The following STK36 variants were observed in gnomAD, a reference collection of about 807,000 sequenced individuals.
The protein encoded by STK36 is serine/threonine kinase 36.
A neutral mutation model predicts 142.2 loss-of-function variants in STK36; 116 were observed. That is an observed-to-expected ratio of 0.82 (90% confidence interval 0.70 to 0.95). STK36 has a LOEUF of 0.95. Ranked by LOEUF, STK36 falls within the 40% of genes least tolerant of loss-of-function variation. The pLI is 0.00. For synonymous variants in STK36, 619 were observed against 641.7 expected (o/e 0.96, Z 0.53); for missense variants, 1,422 against 1,617.2 (o/e 0.88, Z 2.07).
At chr2:218,673,167 G>A in intron 2 of STK36, 1 of 455,196 alleles carries the variant, frequency 2.2e-6, no homozygotes, top group South Asian at 2.9e-5. Context: ...CTAGAATGGG[G>A]ATAAGAACAG....
chr2:218,688,640 C>G, intron 11 of STK36, 57 bp from the exon 12 acceptor site: 1 of 1,568,462 alleles, frequency 6.4e-7, no homozygotes, highest in Admixed American at 1.8e-5. Context: ...ATGTGTAGTT[C>G]TCCTTCTTTT....
rs532778500 is a variant in STK36, at chr2:218,680,201, G to A, written c.1136+121G>A. ...ACTGCCTAAACATGGATAGAGCCTC[G>A]AGAGTCTGAGTCCTGGATTCTTGGA... On this transcript the variant is annotated intron_variant, in intron 9 of 26. Coordinates refer to ENST00000295709, the MANE Select transcript of STK36 (RefSeq NM_015690.5). 5.9e-5 allele frequency: 53 copies of A among 899,890 alleles called. No homozygotes were observed. The African/African-American group carries it at 7.9e-4, about 13-fold the overall frequency. 55.7% of individuals were successfully genotyped at this position (899,890 alleles called of 1,614,324 possible).
chr2:218,693,112 T>C (rs1445535773), intron 16 of STK36, 128 bp from the exon 17 acceptor site: 2 of 798,510 alleles, frequency 2.5e-6, no homozygotes, highest in African/African-American at 3.5e-5. Context: ...GAATGGGGTC[T>C]GAGGTTTCTG....
intron 5 of STK36, 23 bp downstream of exon 5, chr2:218,675,496 T>C: frequency 6.3e-7 from 1 of 1,588,556 alleles, no homozygotes; most frequent in Non-Finnish European, 8.6e-7. Context: ...AGCATCCATC[T>C]AAGCTTCCAG....
chr2:218,674,095 A>G, intron 4 of STK36, 139 bp downstream of exon 4: 1 of 799,402 alleles, frequency 1.3e-6, no homozygotes, highest in Non-Finnish European at 1.9e-6. Flanking sequence ...ATATAGAGGC[A>G]GTGTAGTGTG....
At chr2:218,673,210 GT>G (rs1396575269) in intron 2 of STK36, 1 of 396,400 alleles carries the variant, frequency 2.5e-6, no homozygotes, top group Admixed American at 4.1e-5. Context: ...GATTAAATAT[GT>G]TTTCACATTA....
chr2:218,675,357 T>C lies in STK36; in HGVS notation c.318T>C (p.Ala106=). ...KLPEDQVQAI[A]AQLVSALYYL... ...TTAATTTCTAGGTTCAGGCCATTGCTGCCCAGTTGGTGTCAGCCCTGTACT... is the reference window on the plus strand; with the variant it reads ...TTAATTTCTAGGTTCAGGCCATTGCCGCCCAGTTGGTGTCAGCCCTGTACT... The change falls in exon 5 of 27, where the codon GCT becomes GCC. Residue 106 remains alanine, a synonymous_variant. Coordinates refer to ENST00000295709, the MANE Select transcript of STK36 (RefSeq NM_015690.5). 3 of 1,613,410 alleles carry C rather than the reference T, an allele frequency of 1.9e-6. No individual in the cohort carries two copies. The highest frequency in any genetic ancestry group is 2.5e-6 in the Non-Finnish European group (3 of 1,179,686).
rs1040706661 is a variant in STK36 at position 218,689,874 on chromosome 2, A to G, written c.1576A>G (p.Thr526Ala). The change falls in exon 13 of 27, where the codon ACC (threonine) becomes GCC (alanine). Residue 526 changes from threonine (T) to alanine (A), a missense_variant. Physicochemically the swap from Thr to Ala is moderately conservative, Grantham distance 58. Coordinates refer to ENST00000295709, the MANE Select transcript of STK36 (RefSeq NM_015690.5). ...TCCTGGGCAGCAATCTTGGTATGGGACCTTCTTACAGGACCTGATGGCTGT... is the reference window on the plus strand; with the variant it reads ...TCCTGGGCAGCAATCTTGGTATGGGGCCTTCTTACAGGACCTGATGGCTGT... ...NSLQQQSWYG[T>A]FLQDLMAVIQ... 1 of 1,609,944 alleles carries G rather than the reference A, an allele frequency of 6.2e-7. No homozygotes were observed.
chr2:218,676,049 C>T lies in STK36; in HGVS notation c.455C>T (p.Thr152Ile). ...TGCAGATTTGCCCGGGCTATGAGCA[C>T]CAATACAATGGTGCTGACATCCATC... ...CDFGFARAMS[T>I]NTMVLTSIKG... The change falls in exon 6 of 27, where the codon ACC becomes ATC. Residue 152 changes from threonine to isoleucine, a missense_variant. Thr to Ile is a moderately conservative substitution (Grantham distance 89). Coordinates refer to ENST00000295709, the MANE Select transcript of STK36 (RefSeq NM_015690.5). 1.2e-6 allele frequency: 2 copies of T among 1,614,108 alleles called. No homozygotes were observed. The highest frequency in any genetic ancestry group is 1.7e-6 in the Non-Finnish European group (2 of 1,180,006).
At chr2:218,679,838 T>C (rs1940430398) in intron 8 of STK36, 55 bp from the exon 9 acceptor site, 1 of 1,604,652 alleles carries the variant, frequency 6.2e-7, no homozygotes, top group Non-Finnish European at 8.5e-7. Flanking sequence ...AGCATTCATA[T>C]TGTCCTATAG....
chr2:218,678,735 C>G (rs1271813590), intron 6 of STK36, among the ~76,000 whole-genome samples: 3 of 152,184 alleles, frequency 2.0e-5, no homozygotes, highest in African/African-American at 7.2e-5. Context: ...GTGTGAATTA[C>G]TTGTAACCAA....
chr2:218,690,088 G>T, intron 13 of STK36, 132 bp downstream of exon 13: 1 of 858,650 alleles, frequency 1.2e-6, no homozygotes, highest in African/African-American at 1.7e-5. Context: ...TCAGCTGAGT[G>T]GCCACTCATA....
intron 10 of STK36, among the ~76,000 whole-genome samples, chr2:218,681,472 T>A (rs59106853): frequency 0.061 from 9,284 of 152,206 alleles, 933 homozygotes; most frequent in African/African-American, 0.21. Flanking sequence ...GCCTTTTTTT[T>A]AAAATAATTT....
intron 11 of STK36, 110 bp downstream of exon 11, chr2:218,685,338 C>A: frequency 7.1e-7 from 1 of 1,414,766 alleles, no homozygotes; most frequent in Admixed American, 2.0e-5. Context: ...TCCAGTTCTT[C>A]AGTCTATCTG....
rs1941360965 is a variant in STK36, at chr2:218,699,313, C to T, written c.3769C>T (p.Leu1257Phe). The stretch of plus-strand genomic sequence containing the variant: ...TGTGAAGGAGGCTGCCCTCATTGCC[C>T]TCCGGAGCCTGCAACAGGAGCCTGG... Reference protein sequence around the residue: ...PNVKEAALIALRSLQQEPGIH... With the variant: ...PNVKEAALIAFRSLQQEPGIH... The change falls in exon 26 of 27, where the codon CTC (leucine) becomes TTC (phenylalanine). Residue 1257 changes from leucine to phenylalanine, a missense_variant. By Grantham distance (22) the Leu-to-Phe change is conservative. Transcript: ENST00000295709. 1.9e-6 allele frequency: 3 copies of T among 1,613,888 alleles called. No homozygotes were observed. Among genetic ancestry groups the T allele is most frequent in the Admixed American group, 1.7e-5 (1 of 59,998 alleles).
chr2:218,680,089 G>A lies in STK36; in HGVS notation c.1136+9G>A. 1 of 1,613,000 alleles carries A rather than the reference G, an allele frequency of 6.2e-7. No individual in the cohort carries two copies. The highest frequency in any genetic ancestry group is 8.5e-7 in the Non-Finnish European group (1 of 1,179,538). On this transcript the variant is annotated intron_variant, in intron 9 of 26. Coordinates refer to ENST00000295709, the MANE Select transcript of STK36 (RefSeq NM_015690.5). ...GTGCCCTCTGCACCTCGGTGAGAAGGGTATAGTTAGGGATTTGTAGGGTGA... is the reference window on the plus strand; with the variant it reads ...GTGCCCTCTGCACCTCGGTGAGAAGAGTATAGTTAGGGATTTGTAGGGTGA...
At chr2:218,687,938 A>G (rs1807165) in intron 11 of STK36, among the ~76,000 whole-genome samples, 6,613 of 152,284 alleles carry the variant, frequency 0.043, 173 homozygotes, top group Middle Eastern at 0.078. Context: ...TGGGAGGATC[A>G]CTTGAGGTCA....
In STK36 at chr2:218,697,574, T is replaced by A. The variant is rs148006656; in HGVS notation, c.2873T>A (p.Leu958Gln). 1 of 1,614,120 alleles carries A rather than the reference T, an allele frequency of 6.2e-7. No homozygotes were observed. Among genetic ancestry groups the A allele is most frequent in the Non-Finnish European group, 8.5e-7 (1 of 1,180,054 alleles). ...GSILMSILKH[L>Q]LCPSFLNQLR... The stretch of plus-strand genomic sequence containing the variant: ...ATCCTCATGTCCATCCTGAAGCATC[T>A]GCTTTGCCCCAGCTTCCTGAATCAA... Residue 958 changes from leucine (L) to glutamine (Q), a missense_variant, in exon 24 of 27, where the codon CTG becomes CAG. Leu to Gln is a moderately radical substitution (Grantham distance 113, BLOSUM62 -2). Around this residue, in one of 2 missense-constraint regions of STK36, gnomAD observed 962 missense variants for 1,167.5 expected, o/e 0.82. Coordinates refer to ENST00000295709, the MANE Select transcript of STK36 (RefSeq NM_015690.5).
At position 218,694,365 on chromosome 2, in the gene STK36, C is replaced by T. The variant is rs373625580; in HGVS notation, c.2400+38C>T. Reference sequence around the variant, plus strand: ...CCTTCACCCTCCTCCCCTTTTCACCCTAGCATCTACCCCTTGTGGAAGTGG... The same window carrying T: ...CCTTCACCCTCCTCCCCTTTTCACCTTAGCATCTACCCCTTGTGGAAGTGG... On this transcript the variant is annotated intron_variant, in intron 20 of 26. Coordinates refer to ENST00000295709, the MANE Select transcript of STK36 (RefSeq NM_015690.5). The surrounding 1 kb of genome is among the most constrained non-coding windows in gnomAD (Gnocchi z 4.4). The T allele has an allele frequency of 6.1e-5, 96 of 1,585,144 alleles. 1 individual carries two copies. In the African/African-American group the frequency reaches 1.1e-3, roughly 18 times the overall value.
Sources: gnomAD v4.1 joint callset for allele counts (sites outside exome capture counted in the v4.1 genomes callset) on GRCh38, gnomAD v4.1.1 for gene constraint, gnomAD v4.1.1 regional missense constraint, Gnocchi (gnomAD v3.1) non-coding constraint, MANE v1.5 for transcripts, NCBI Gene and HGNC (gene_info 2026-07-23, HGNC 2026-07-21) for gene names.